The following SLC4A10 variants were observed in gnomAD, a reference collection of about 807,000 sequenced individuals.
The protein encoded by SLC4A10 is sodium-driven chloride bicarbonate exchanger.
In SLC4A10, 42 loss-of-function variants were observed where a neutral mutation model predicts 137.7. The observed-to-expected ratio is 0.30, with a 90% CI of 0.24 to 0.39. The LOEUF (loss-of-function observed/expected upper bound fraction) is 0.39, where lower values mean the gene tolerates loss of function less well. Among genes scored for constraint, SLC4A10 ranks in the 10% least tolerant of loss-of-function variants. The pLI is 1.00. For synonymous variants in SLC4A10, 474 were observed against 464.1 expected (o/e 1.02, Z -0.27); for missense variants, 925 against 1,355.0 (o/e 0.68, Z 4.98).
intron 15 of SLC4A10, among the ~76,000 whole-genome samples, chr2:161,916,365 T>A (rs146162648): frequency 6.6e-6 from 1 of 152,208 alleles, no homozygotes; most frequent in Non-Finnish European, 1.5e-5. Context: ...ATTCTCTATA[T>A]AGAATACAAA....
intron 2 of SLC4A10, among the ~76,000 whole-genome samples, 187 bp from the exon 3 acceptor site, chr2:161,804,262 G>C (rs950472594): frequency 6.6e-6 from 1 of 152,100 alleles, no homozygotes; most frequent in Non-Finnish European, 1.5e-5. Context: ...GTTTGTGATA[G>C]AGCTATGGTA....
chr2:161,942,894 G>C lies in SLC4A10; in HGVS notation c.2100G>C (p.Val700=). 1 of 1,585,448 alleles carries C rather than the reference G, an allele frequency of 6.3e-7. No individual in the cohort carries two copies. Among genetic ancestry groups the C allele is most frequent in the East Asian group, 2.3e-5 (1 of 43,976 alleles). Residue 700 remains valine, a synonymous_variant, in exon 16 of 27, where the codon GTG becomes GTC. Transcript: ENST00000446997. The part of the protein sequence containing the change: ...ASDIIWENLT[V]SECKSLHGEY... ...ACATAATTTGGGAGAACCTAACTGT[G>C]TCAGTAAGTAAAACACTGAAAAATA... is the stretch of plus-strand genomic sequence containing the variant.
At chr2:161,708,636 A>G in intron 1 of SLC4A10, 1 of 1,444,582 alleles carries the variant, frequency 6.9e-7, no homozygotes, top group Non-Finnish European at 9.1e-7. Context: ...TGATATCTTG[A>G]TGATGGCTTA....
intron 23 of SLC4A10, among the ~76,000 whole-genome samples, chr2:161,966,523 G>T (rs541058476): frequency 1.3e-5 from 2 of 151,780 alleles, no homozygotes; most frequent in Non-Finnish European, 2.9e-5. Flanking sequence ...AGGCTGAGGC[G>T]GGCAGATCAC....
chr2:161,934,693 T>C lies in SLC4A10; in HGVS notation c.1998-8099T>C, dbSNP rs1209534629. 3.9e-5 allele frequency among the ~76,000 whole-genome samples: 6 copies of C among 152,276 alleles called. No homozygotes were observed. The East Asian group carries it at 7.7e-4, about 20-fold the overall frequency. On this transcript the variant is annotated intron_variant, in intron 15 of 26. Coordinates refer to ENST00000446997, the MANE Select transcript of SLC4A10 (RefSeq NM_001178015.2). The stretch of plus-strand genomic sequence containing the variant: ...GTTTTAATTTGCATTTCTCTGATCA[T>C]TGGTGATTTGAGCATTTTTTCACAT...
intron 1 of SLC4A10, among the ~76,000 whole-genome samples, chr2:161,642,530 C>A (rs1262513754): frequency 6.6e-6 from 1 of 151,800 alleles, no homozygotes; most frequent in Non-Finnish European, 1.5e-5. Flanking sequence ...TGGCAAAATG[C>A]AATTGAAATT....
chr2:161,712,844 T>G (rs2044440228), intron 1 of SLC4A10, among the ~76,000 whole-genome samples: 1 of 151,794 alleles, frequency 6.6e-6, no homozygotes. Flanking sequence ...ATTGGCAGAG[T>G]CAGTTGAATC....
At chr2:161,823,643 C>A (rs2125701870) in intron 3 of SLC4A10, among the ~76,000 whole-genome samples, 1 of 152,320 alleles carries the variant, frequency 6.6e-6, no homozygotes, top group East Asian at 1.9e-4. Context: ...AGGTTTGCAG[C>A]AGTGGTTGCC....
intron 3 of SLC4A10, among the ~76,000 whole-genome samples, chr2:161,819,030 T>C (rs2057382731): frequency 6.6e-6 from 1 of 152,166 alleles, no homozygotes; most frequent in South Asian, 2.1e-4. Context: ...TTCTATCGAT[T>C]GGAATTTGGG....
chr2:161,717,583 G>A (rs2045074881), intron 1 of SLC4A10, among the ~76,000 whole-genome samples: 1 of 151,976 alleles, frequency 6.6e-6, no homozygotes, highest in African/African-American at 2.4e-5. Context: ...TGTTCATGTG[G>A]TGAATTATGT....
intron 1 of SLC4A10, among the ~76,000 whole-genome samples, chr2:161,668,193 C>G (rs926259139): frequency 6.6e-6 from 1 of 151,646 alleles, no homozygotes; most frequent in African/African-American, 2.4e-5. Context: ...TTAGGTCTGA[C>G]TATATACCCA....
intron 3 of SLC4A10, among the ~76,000 whole-genome samples, chr2:161,821,788 A>C (rs1468869298): frequency 6.6e-6 from 1 of 152,160 alleles, no homozygotes; most frequent in Non-Finnish European, 1.5e-5. Flanking sequence ...CATAATCTTA[A>C]TCCCTTTTTA....
chr2:161,787,682 A>G (rs2053776440), intron 2 of SLC4A10, among the ~76,000 whole-genome samples: 1 of 152,084 alleles, frequency 6.6e-6, no homozygotes, highest in South Asian at 2.1e-4. Context: ...AAGCTCTGAA[A>G]TTCTTTCTTC....
chr2:161,735,365 C>T (rs867355983), intron 1 of SLC4A10, among the ~76,000 whole-genome samples: 1 of 151,488 alleles, frequency 6.6e-6, no homozygotes, highest in African/African-American at 2.4e-5. Flanking sequence ...AAATAAATGT[C>T]AAAGTACATA....
intron 10 of SLC4A10, among the ~76,000 whole-genome samples, chr2:161,888,178 A>G (rs1206594307): frequency 6.6e-6 from 1 of 151,430 alleles, no homozygotes; most frequent in African/African-American, 2.4e-5. Flanking sequence ...GTTTGGATAC[A>G]AGTGCCCTGT....
intron 1 of SLC4A10, among the ~76,000 whole-genome samples, chr2:161,734,276 T>G (rs972410863): frequency 6.6e-6 from 1 of 152,154 alleles, no homozygotes; most frequent in African/African-American, 2.4e-5. Flanking sequence ...TTCCTATGTG[T>G]TGTGGGAGGG....
chr2:161,817,134 A>G (rs1180587664), intron 3 of SLC4A10, among the ~76,000 whole-genome samples: 1 of 152,186 alleles, frequency 6.6e-6, no homozygotes, highest in East Asian at 1.9e-4. Flanking sequence ...CATCCTCTCC[A>G]GCACCTGTTG....
chr2:161,753,263 A>G (rs114317442), intron 1 of SLC4A10, among the ~76,000 whole-genome samples: 2,725 of 152,188 alleles, frequency 0.018, 83 homozygotes, highest in African/African-American at 0.061. Flanking sequence ...TAATAATCAT[A>G]TCAAACAATT....
At chr2:161,692,088 A>G (rs996819533) in intron 1 of SLC4A10, among the ~76,000 whole-genome samples, 3 of 152,152 alleles carry the variant, frequency 2.0e-5, no homozygotes, top group Admixed American at 6.6e-5. Flanking sequence ...AGATATGACA[A>G]ATTCTCCTTA....
Sources: gnomAD v4.1 joint callset for allele counts (sites outside exome capture counted in the v4.1 genomes callset) on GRCh38, gnomAD v4.1.1 for gene constraint, MANE v1.5 for transcripts, NCBI Gene and HGNC (gene_info 2026-07-23, HGNC 2026-07-21) for gene names.